The following NKAIN3 variants were observed in gnomAD, a reference collection of about 807,000 sequenced individuals.
The protein encoded by NKAIN3 is sodium/potassium transporting ATPase interacting 3.
Under a neutral mutation model 30.2 loss-of-function variants are expected in NKAIN3, and 25 were observed. That is an observed-to-expected ratio of 0.83 (90% CI 0.60 to 1.16). NKAIN3 has a LOEUF of 1.16. Ranked by LOEUF, NKAIN3 falls within the 50% of genes most tolerant of loss-of-function variation. The probability of loss-of-function intolerance (pLI) is 0.00; values close to 1 mark genes in which losing one functional copy is unlikely to be tolerated. For missense variants in NKAIN3, 225 were observed against 254.1 expected (o/e 0.89, Z 0.78); for synonymous variants, 91 against 89.6 (o/e 1.02, Z -0.09).
intron 4 of NKAIN3, among the ~76,000 whole-genome samples, chr8:62,884,874 G>A (rs1484803844): frequency 6.6e-6 from 1 of 151,168 alleles, no homozygotes; most frequent in Non-Finnish European, 1.5e-5. Context: ...TTTTTTCTTA[G>A]CCTGGCTACA....
chr8:62,887,516 T>C (rs1821183509), intron 4 of NKAIN3, among the ~76,000 whole-genome samples: 1 of 152,184 alleles, frequency 6.6e-6, no homozygotes, highest in African/African-American at 2.4e-5. Flanking sequence ...ATACCTTTTG[T>C]AGTTGTCCCA....
At chr8:62,934,974 A>G (rs1822737798) in intron 5 of NKAIN3, among the ~76,000 whole-genome samples, 2 of 152,298 alleles carry the variant, frequency 1.3e-5, no homozygotes, top group South Asian at 4.1e-4. Context: ...GCACTTCCAC[A>G]TGACACTCAA....
chr8:62,263,814 G>A (rs556757465), intron 1 of NKAIN3, among the ~76,000 whole-genome samples: 2 of 152,270 alleles, frequency 1.3e-5, no homozygotes, highest in East Asian at 3.9e-4. Context: ...TTCAAGTATA[G>A]AGGAAATGGT....
At chr8:62,370,362 C>T (rs13262087) in intron 1 of NKAIN3, among the ~76,000 whole-genome samples, 177 of 151,842 alleles carry the variant, frequency 1.2e-3, no homozygotes, top group African/African-American at 4.0e-3. Flanking sequence ...CAGTCCTACG[C>T]GAAATGTAAA....
At chr8:62,804,173 C>A (rs1818185261) in intron 4 of NKAIN3, among the ~76,000 whole-genome samples, 1 of 152,152 alleles carries the variant, frequency 6.6e-6, no homozygotes, top group Non-Finnish European at 1.5e-5. Flanking sequence ...CAGCAGAATT[C>A]TACCAGAGGT....
At chr8:62,436,600 AAAGT>A (rs1371975276) in intron 1 of NKAIN3, among the ~76,000 whole-genome samples, 1 of 152,198 alleles carries the variant, frequency 6.6e-6, no homozygotes, top group African/African-American at 2.4e-5. Flanking sequence ...AGTACATAAT[AAAGT>A]AATATGTAAA....
rs560734833 is a variant in NKAIN3 at position 62,367,381 on chromosome 8, G to T, written c.54+118254G>T. Among the ~76,000 whole-genome samples the T allele has an allele frequency of 1.0e-3, 155 of 152,234 alleles. 1 individual carries two copies. Among genetic ancestry groups the T allele is most frequent in the African/African-American group, 3.7e-3 (152 of 41,564 alleles). On this transcript the variant is annotated intron_variant, in intron 1 of 6. Transcript: ENST00000623646. ...AAAACACCATACATCATAATCAAAT[G>T]TGATTTATTTTGGGGCTGCAAGGAT...
At chr8:62,703,611 C>A (rs1814417678) in intron 3 of NKAIN3, among the ~76,000 whole-genome samples, 1 of 152,322 alleles carries the variant, frequency 6.6e-6, no homozygotes, top group South Asian at 2.1e-4. Context: ...ATGTGCCCAG[C>A]TCTCATTCAG....
At chr8:62,893,236 G>A (rs901379019) in intron 4 of NKAIN3, among the ~76,000 whole-genome samples, 10 of 152,156 alleles carry the variant, frequency 6.6e-5, no homozygotes, top group Non-Finnish European at 2.9e-5. Context: ...GTACGTTAAG[G>A]AGAAACACTC....
intron 1 of NKAIN3, among the ~76,000 whole-genome samples, chr8:62,389,251 C>T (rs1453389196): frequency 6.6e-6 from 1 of 152,086 alleles, no homozygotes; most frequent in Non-Finnish European, 1.5e-5. Flanking sequence ...TTTGGTGTTT[C>T]AATACATGTA....
chr8:62,870,687 C>A (rs55797491), intron 4 of NKAIN3, among the ~76,000 whole-genome samples: 48,348 of 116,500 alleles, frequency 0.42, 11,106 homozygotes, highest in Non-Finnish European at 0.45. Flanking sequence ...ATATCTATAT[C>A]TCTCTATCTA....
chr8:62,269,402 C>T (rs1230188022), intron 1 of NKAIN3, among the ~76,000 whole-genome samples: 1 of 152,110 alleles, frequency 6.6e-6, no homozygotes, highest in Non-Finnish European at 1.5e-5. Flanking sequence ...CCTCATATTC[C>T]AATTCCCTAG....
intron 4 of NKAIN3, among the ~76,000 whole-genome samples, chr8:62,896,420 T>C (rs2130831093): frequency 6.6e-6 from 1 of 152,278 alleles, no homozygotes; most frequent in East Asian, 1.9e-4. Context: ...CTATTTACAG[T>C]AGCTAGGCTA....
chr8:62,966,762 G>A lies in NKAIN3; in HGVS notation c.*1355G>A, dbSNP rs1823723924. 6.6e-6 allele frequency among the ~76,000 whole-genome samples: 1 copy of A among 152,156 alleles called. No homozygotes were observed. The highest frequency in any genetic ancestry group is 2.4e-5 in the African/African-American group (1 of 41,432). ...CACTTTGTGTAACGACCACAGTGAA[G>A]CTCCCTATAGGCCAGAAAGTTGTGA... is the stretch of plus-strand genomic sequence containing the variant. On this transcript the variant is annotated 3_prime_UTR_variant, in exon 7 of 7. Transcript: ENST00000623646.
In NKAIN3 at chr8:62,653,924, A is replaced by G. The variant is rs1297400713; in HGVS notation, c.273+64130A>G. 3.9e-5 allele frequency among the ~76,000 whole-genome samples: 6 copies of G among 152,290 alleles called. No homozygotes were observed. The East Asian group carries it at 9.7e-4, about 25-fold the overall frequency. On this transcript the variant is annotated intron_variant, in intron 3 of 6. Transcript: ENST00000623646. ...TTGACAAGCATTTTCTGTGGACTCA[A>G]GGGTTCTAACCATGGTTTTAATCCC...
At chr8:62,446,543 C>T (rs1220537716) in intron 1 of NKAIN3, among the ~76,000 whole-genome samples, 2 of 151,984 alleles carry the variant, frequency 1.3e-5, no homozygotes, top group African/African-American at 4.8e-5. Flanking sequence ...ATTATTGTTC[C>T]ATCATTGTCT....
rs75423254 is a variant in NKAIN3, at chr8:62,442,469, G to A, written c.55-137070G>A. ...CTATAATATATTTATTTGGTCTATT[G>A]CCCTCCCATAGACACTGAAAAATAA... is the stretch of plus-strand genomic sequence containing the variant. On this transcript the variant is annotated intron_variant, in intron 1 of 6. Coordinates refer to ENST00000623646, the MANE Select transcript of NKAIN3 (RefSeq NM_001304533.3). 6.5e-3 allele frequency among the ~76,000 whole-genome samples: 986 copies of A among 151,646 alleles called. 6 individuals are homozygous for A. Among genetic ancestry groups the A allele is most frequent in the East Asian group, 0.024 (122 of 5,162 alleles).
rs531988481 is a variant in NKAIN3 at position 62,977,667 on chromosome 8, G to A, written c.*12260G>A. Among the ~76,000 whole-genome samples, 13 of 152,036 alleles carry A rather than the reference G, an allele frequency of 8.6e-5. No individual in the cohort carries two copies. Among genetic ancestry groups the A allele is most frequent in the East Asian group, 5.8e-4 (3 of 5,144 alleles). On this transcript the variant is annotated 3_prime_UTR_variant, in exon 7 of 7. Coordinates refer to ENST00000623646, the MANE Select transcript of NKAIN3 (RefSeq NM_001304533.3). Reference sequence around the variant, plus strand: ...TATTGGGTTACTATATGTTCCATTCGCTCTGAGGAGTTCGTTATTACCCAT... The same window carrying A: ...TATTGGGTTACTATATGTTCCATTCACTCTGAGGAGTTCGTTATTACCCAT...
At chr8:62,810,858 C>T (rs1357476773) in intron 4 of NKAIN3, among the ~76,000 whole-genome samples, 3 of 152,024 alleles carry the variant, frequency 2.0e-5, no homozygotes, top group African/African-American at 7.2e-5. Context: ...GATTCATGTA[C>T]AGCTGTAGGA....
Sources: gnomAD v4.1 joint callset for allele counts (sites outside exome capture counted in the v4.1 genomes callset) on GRCh38, gnomAD v4.1.1 for gene constraint, MANE v1.5 for transcripts, NCBI Gene and HGNC (gene_info 2026-07-23, HGNC 2026-07-21) for gene names.